Variants in GRM8 observed in about 807,000 individuals in gnomAD.
The protein encoded by GRM8 is metabotropic glutamate receptor 8.
GRM8 carries 47 observed loss-of-function variants against 87.2 expected under a neutral mutation model. The observed-to-expected ratio is 0.54, with a 90% CI of 0.43 to 0.69. The LOEUF (loss-of-function observed/expected upper bound fraction) is 0.69. GRM8 is among the 30% of genes least tolerant of loss of function. The pLI is 0.00. For synonymous variants in GRM8, 396 were observed against 404.5 expected, an observed-to-expected ratio of 0.98 and a Z score of 0.25; for missense variants, 1,019 against 1,139.2, an observed-to-expected ratio of 0.89 and a Z score of 1.52.
chr7:126,499,413 CAA>C (rs201518620), intron 9 of GRM8, among the ~76,000 whole-genome samples: 6 of 134,310 alleles, frequency 4.5e-5, no homozygotes, highest in Non-Finnish European at 8.1e-5. Flanking sequence ...GAGGTTCCTC[CAA>C]AAAAAAAAAA....
intron 9 of GRM8, among the ~76,000 whole-genome samples, chr7:126,479,885 T>C (rs113976417): frequency 0.018 from 2,700 of 152,126 alleles, 63 homozygotes; most frequent in African/African-American, 0.062. Flanking sequence ...ATATACAAGG[T>C]TCCAATTTCT....
At chr7:126,881,702 A>G (rs1800040587) in intron 6 of GRM8, among the ~76,000 whole-genome samples, 1 of 152,176 alleles carries the variant, frequency 6.6e-6, no homozygotes. Context: ...ACCTCACTCT[A>G]TGTGTCACTT....
intron 6 of GRM8, among the ~76,000 whole-genome samples, chr7:126,828,584 C>G (rs560112048): frequency 6.6e-6 from 1 of 152,182 alleles, no homozygotes; most frequent in African/African-American, 2.4e-5. Context: ...TTTATTGCAT[C>G]TATTTGATTC....
chr7:127,075,395 T>C (rs1288172798), intron 3 of GRM8, among the ~76,000 whole-genome samples: 1 of 152,192 alleles, frequency 6.6e-6, no homozygotes, highest in Non-Finnish European at 1.5e-5. Flanking sequence ...AAAATGGAAG[T>C]GATTACAAAA....
intron 8 of GRM8, among the ~76,000 whole-genome samples, chr7:126,563,160 T>C (rs1793885755): frequency 6.6e-6 from 1 of 152,188 alleles, no homozygotes. Flanking sequence ...TGGCCTTGTA[T>C]AATACACAGG....
intron 3 of GRM8, among the ~76,000 whole-genome samples, chr7:127,032,146 C>G (rs1817440222): frequency 6.6e-6 from 1 of 152,004 alleles, no homozygotes; most frequent in African/African-American, 2.4e-5. Flanking sequence ...CCTGTTATTC[C>G]AAATTTAAAT....
At position 127,096,895 on chromosome 7, in the gene GRM8, C is replaced by T. The variant is rs182865961; in HGVS notation, c.727+9601G>A. Among the ~76,000 whole-genome samples, 4 of 152,230 alleles carry T rather than the reference C, an allele frequency of 2.6e-5. No homozygotes were observed. The East Asian group carries it at 7.7e-4, about 29-fold the overall frequency. ...AACATTACAGTAACCCCCGAAGGTT[C>T]CCATGCGTTATCAAAGATAATGCAT... On this transcript the variant is annotated intron_variant, in intron 3 of 10. Transcript: ENST00000339582.
chr7:126,664,000 G>C (rs1805497450), intron 7 of GRM8, among the ~76,000 whole-genome samples: 1 of 152,020 alleles, frequency 6.6e-6, no homozygotes, highest in Admixed American at 6.6e-5. Context: ...CACCAATAAT[G>C]CTCAAGCTGA....
At chr7:127,245,837 A>G (rs770937221) in intron 1 of GRM8, among the ~76,000 whole-genome samples, 2 of 152,190 alleles carry the variant, frequency 1.3e-5, no homozygotes, top group African/African-American at 2.4e-5. Flanking sequence ...ATTGCATGTA[A>G]CCTCTCTGAA....
intron 2 of GRM8, among the ~76,000 whole-genome samples, chr7:127,207,853 G>A (rs997284059): frequency 7.2e-5 from 11 of 152,150 alleles, no homozygotes; most frequent in African/African-American, 2.7e-4. Flanking sequence ...GATTGCCTAA[G>A]GCCATGCCAG....
chr7:126,938,919 G>T (rs1431231399), intron 3 of GRM8, among the ~76,000 whole-genome samples: 1 of 152,212 alleles, frequency 6.6e-6, no homozygotes, highest in South Asian at 2.1e-4. Context: ...CAGGCAACCT[G>T]ACCTTCAGCT....
intron 2 of GRM8, among the ~76,000 whole-genome samples, chr7:127,156,536 T>C (rs944208674): frequency 1.3e-5 from 2 of 152,178 alleles, no homozygotes; most frequent in East Asian, 1.9e-4. Flanking sequence ...GCTTTGGTGA[T>C]ATGAACTCTG....
chr7:126,703,963 G>A (rs1310132911), intron 7 of GRM8, among the ~76,000 whole-genome samples: 4 of 151,994 alleles, frequency 2.6e-5, no homozygotes, highest in Admixed American at 6.6e-5. Context: ...GCAAATTCAC[G>A]AACACTTCCT....
intron 6 of GRM8, among the ~76,000 whole-genome samples, chr7:126,831,293 C>T (rs1393050184): frequency 6.6e-6 from 1 of 152,184 alleles, no homozygotes; most frequent in African/African-American, 2.4e-5. Context: ...TTGTCTGTGC[C>T]CTGCCCCCAG....
chr7:127,206,719 C>A (rs905225023), intron 2 of GRM8, among the ~76,000 whole-genome samples: 1 of 152,194 alleles, frequency 6.6e-6, no homozygotes, highest in South Asian at 2.1e-4. Flanking sequence ...AAGCAAGCAC[C>A]TCCAGTGTTC....
At chr7:126,749,473 G>A (rs928347370) in intron 7 of GRM8, among the ~76,000 whole-genome samples, 1 of 151,482 alleles carries the variant, frequency 6.6e-6, no homozygotes. Context: ...CATCAGAATT[G>A]AAAATGTTTC....
intron 2 of GRM8, among the ~76,000 whole-genome samples, chr7:127,224,973 G>A (rs1205984424): frequency 6.6e-6 from 1 of 152,120 alleles, no homozygotes; most frequent in Non-Finnish European, 1.5e-5. Context: ...AGTAGGCAAT[G>A]ATAAATCATG....
intron 2 of GRM8, among the ~76,000 whole-genome samples, chr7:127,220,029 A>G (rs1459730685): frequency 6.6e-6 from 1 of 152,220 alleles, no homozygotes; most frequent in Non-Finnish European, 1.5e-5. Context: ...TACTGAATCT[A>G]TACCATTATT....
At chr7:127,032,495 A>G (rs1817471333) in intron 3 of GRM8, among the ~76,000 whole-genome samples, 1 of 152,116 alleles carries the variant, frequency 6.6e-6, no homozygotes, top group South Asian at 2.1e-4. Context: ...ACCAAAGAAG[A>G]CTATTCCAAC....
Sources: gnomAD v4.1 joint callset for allele counts (sites outside exome capture counted in the v4.1 genomes callset) on GRCh38, gnomAD v4.1.1 for gene constraint, MANE v1.5 for transcripts, NCBI Gene and HGNC (gene_info 2026-07-23, HGNC 2026-07-21) for gene names.